Variants in MIPOL1 observed in about 807,000 individuals in gnomAD.
The protein encoded by MIPOL1 is mirror-image polydactyly gene 1 protein.
Under a neutral mutation model 60.9 loss-of-function variants are expected in MIPOL1, and 57 were observed. The ratio of observed to expected loss-of-function variants is 0.94; its 90% confidence interval spans 0.76 to 1.17. The LOEUF (loss-of-function observed/expected upper bound fraction) is 1.17. Ranked by LOEUF, MIPOL1 falls within the 50% of genes most tolerant of loss-of-function variation. MIPOL1 has a pLI of 0.00. For missense variants in MIPOL1, 551 were observed against 511.6 expected, an observed-to-expected ratio of 1.08 and a Z score of -0.74; for synonymous variants, 179 against 168.8, an observed-to-expected ratio of 1.06 and a Z score of -0.47.
intron 10 of MIPOL1, among the ~76,000 whole-genome samples, chr14:37,402,256 T>G (rs749619252): frequency 1.5e-4 from 23 of 152,150 alleles, no homozygotes; most frequent in Non-Finnish European, 2.8e-4. Flanking sequence ...ATTGAAAACA[T>G]TTAATGAAAG....
At chr14:37,501,574 G>A (rs960775288) in intron 12 of MIPOL1, 2 of 152,114 alleles carry the variant, frequency 1.3e-5, no homozygotes, top group Non-Finnish European at 2.9e-5. Context: ...ACACCAAGAA[G>A]TAGAAATAAT....
intron 9 of MIPOL1, among the ~76,000 whole-genome samples, chr14:37,351,446 A>C (rs1223596335): frequency 2.0e-5 from 3 of 151,874 alleles, no homozygotes; most frequent in Non-Finnish European, 2.9e-5. Context: ...GCTGGCTCAA[A>C]TGGTATTTCC....
At chr14:37,245,244 AG>A (rs1973011199) in intron 1 of MIPOL1, among the ~76,000 whole-genome samples, 1 of 152,168 alleles carries the variant, frequency 6.6e-6, no homozygotes, top group Non-Finnish European at 1.5e-5. Context: ...ATCTTGTGTT[AG>A]CAGAAAAAAA....
chr14:37,212,984 ATG>A (rs2139340732), intron 1 of MIPOL1, among the ~76,000 whole-genome samples: 1 of 152,292 alleles, frequency 6.6e-6, no homozygotes, highest in Admixed American at 6.5e-5. Context: ...GGTTGTACCT[ATG>A]TGAGTCTGCA....
At chr14:37,474,953 ATTTATT>A (rs567099751) in intron 11 of MIPOL1, among the ~76,000 whole-genome samples, 4 of 151,734 alleles carry the variant, frequency 2.6e-5, no homozygotes, top group African/African-American at 4.8e-5. Flanking sequence ...TCCTTTACTC[ATTTATT>A]TTTATTTTTA....
At chr14:37,506,546 T>G (rs1728451556) in intron 12 of MIPOL1, 1 of 152,126 alleles carries the variant, frequency 6.6e-6, no homozygotes, top group South Asian at 2.1e-4. Flanking sequence ...TGGCTAGCCA[T>G]ATGAAGAAAA....
Position 37,252,181 on chromosome 14 carries a change from A to G in MIPOL1, c.19+4274A>G, listed in dbSNP as rs1001138166. Among the ~76,000 whole-genome samples the G allele has an allele frequency of 2.0e-4, 31 of 151,652 alleles. 1 individual carries two copies. The highest frequency in any genetic ancestry group is 8.8e-5 in the Non-Finnish European group (6 of 67,802). Reference sequence around the variant, plus strand: ...GGGGGGATCATCATATGTAATATATATTTTACACACAAGTAGTTATTTTTA... The same window carrying G: ...GGGGGGATCATCATATGTAATATATGTTTTACACACAAGTAGTTATTTTTA... On this transcript the variant is annotated intron_variant, in intron 3 of 12. Coordinates refer to ENST00000684589, the MANE Select transcript of MIPOL1 (RefSeq NM_001388067.1).
intron 11 of MIPOL1, among the ~76,000 whole-genome samples, chr14:37,496,158 A>G (rs1480927552): frequency 5.9e-5 from 9 of 151,394 alleles, no homozygotes; most frequent in Admixed American, 4.0e-4. Flanking sequence ...TTTCAAAATA[A>G]TAAGAGCTAT....
intron 11 of MIPOL1, among the ~76,000 whole-genome samples, chr14:37,435,297 G>A (rs1477712988): frequency 6.6e-6 from 1 of 152,054 alleles, no homozygotes; most frequent in Non-Finnish European, 1.5e-5. Context: ...CCTGCCATGT[G>A]TTTTCTCTGC....
chr14:37,264,187 G>A (rs1467775849), intron 3 of MIPOL1, among the ~76,000 whole-genome samples: 1 of 152,086 alleles, frequency 6.6e-6, no homozygotes, highest in East Asian at 1.9e-4. Context: ...GTTAGAAAAG[G>A]TACTAATTCA....
chr14:37,348,885 T>C (rs1203521412), intron 9 of MIPOL1, among the ~76,000 whole-genome samples: 1 of 146,600 alleles, frequency 6.8e-6, no homozygotes, highest in Non-Finnish European at 1.5e-5. Context: ...TGGAGAGCAG[T>C]GGCACGATCT....
At chr14:37,199,730 G>C (rs560895899) in intron 1 of MIPOL1, among the ~76,000 whole-genome samples, 1 of 152,084 alleles carries the variant, frequency 6.6e-6, no homozygotes, top group East Asian at 1.9e-4. Flanking sequence ...TCACCTTGTT[G>C]GTCAGGCTGG....
chr14:37,353,869 A>G (rs1217761928), intron 9 of MIPOL1, among the ~76,000 whole-genome samples: 1 of 152,046 alleles, frequency 6.6e-6, no homozygotes, highest in Non-Finnish European at 1.5e-5. Context: ...TCCTGGATTC[A>G]TTAATTTTTT....
chr14:37,324,537 A>C (rs1208542487), intron 9 of MIPOL1, among the ~76,000 whole-genome samples: 2 of 152,018 alleles, frequency 1.3e-5, no homozygotes, highest in Non-Finnish European at 2.9e-5. Context: ...TATTTTCTTA[A>C]TACCATCTTT....
intron 6 of MIPOL1, among the ~76,000 whole-genome samples, chr14:37,272,808 G>C (rs962334916): frequency 6.6e-6 from 1 of 151,402 alleles, no homozygotes; most frequent in Non-Finnish European, 1.5e-5. Context: ...TTATAACGTA[G>C]TTAAGCAGAA....
At chr14:37,291,808 C>T (rs1363070803) in intron 7 of MIPOL1, among the ~76,000 whole-genome samples, 1 of 151,944 alleles carries the variant, frequency 6.6e-6, no homozygotes, top group Non-Finnish European at 1.5e-5. Flanking sequence ...GCTAAACTTG[C>T]CCTTCTATAA....
chr14:37,412,009 C>T (rs965419292), intron 10 of MIPOL1, among the ~76,000 whole-genome samples: 1 of 152,086 alleles, frequency 6.6e-6, no homozygotes, highest in Non-Finnish European at 1.5e-5. Context: ...GATATTATCA[C>T]TTTCATGCTA....
intron 11 of MIPOL1, among the ~76,000 whole-genome samples, chr14:37,428,225 G>A (rs2093999572): frequency 1.3e-5 from 2 of 152,200 alleles, no homozygotes; most frequent in Admixed American, 1.3e-4. Flanking sequence ...CAAAACAATG[G>A]AGGATGTATG....
At chr14:37,360,602 C>T (rs866159932) in intron 9 of MIPOL1, among the ~76,000 whole-genome samples, 19 of 152,218 alleles carry the variant, frequency 1.2e-4, no homozygotes, top group African/African-American at 4.3e-4. Context: ...AGTTTATTTG[C>T]GTAGAGGTTT....
Sources: allele counts gnomAD v4.1 joint callset (sites outside exome capture counted in the v4.1 genomes callset), GRCh38; gene constraint gnomAD v4.1.1; transcripts MANE v1.5; gene names NCBI Gene and HGNC (gene_info 2026-07-23, HGNC 2026-07-21).